The following ANKS1B variants were observed in gnomAD, a reference collection of about 807,000 sequenced individuals.
The protein encoded by ANKS1B is ankyrin repeat and sterile alpha motif domain containing 1B.
A neutral mutation model predicts 148.3 loss-of-function variants in ANKS1B; 36 were observed. The ratio of observed to expected loss-of-function variants is 0.24; its 90% CI spans 0.19 to 0.32. ANKS1B has a LOEUF of 0.32. ANKS1B is among the 10% of genes least tolerant of loss of function. The pLI is 1.00. For synonymous variants in ANKS1B, 542 were observed against 560.8 expected, an observed-to-expected ratio of 0.97 and a Z score of 0.47; for missense variants, 1,157 against 1,542.6, an observed-to-expected ratio of 0.75 and a Z score of 4.19.
intron 15 of ANKS1B, among the ~76,000 whole-genome samples, chr12:99,135,176 A>C (rs576146795): frequency 1.3e-5 from 2 of 152,270 alleles, no homozygotes; most frequent in South Asian, 4.1e-4. Flanking sequence ...TTATTGCCAA[A>C]ATTTTAAAAA....
At chr12:99,064,581 A>G (rs2043469331) in intron 16 of ANKS1B, among the ~76,000 whole-genome samples, 2 of 152,242 alleles carry the variant, frequency 1.3e-5, no homozygotes, top group African/African-American at 4.8e-5. Flanking sequence ...GTCAACCGCT[A>G]CAGCAACAAC....
chr12:99,657,659 A>ATT (rs66516058), intron 8 of ANKS1B, among the ~76,000 whole-genome samples: 4 of 146,798 alleles, frequency 2.7e-5, no homozygotes, highest in Admixed American at 1.4e-4. Context: ...ATATATATAT[A>ATT]TGATAAAGTT....
chr12:99,623,380 A>C (rs892390637), intron 9 of ANKS1B, among the ~76,000 whole-genome samples: 1 of 152,184 alleles, frequency 6.6e-6, no homozygotes, highest in Admixed American at 6.5e-5. Context: ...ACCCCTATTC[A>C]ACATAGTACT....
intron 12 of ANKS1B, among the ~76,000 whole-genome samples, chr12:99,318,583 A>T (rs1250356913): frequency 6.6e-6 from 1 of 151,902 alleles, no homozygotes; most frequent in African/African-American, 2.4e-5. Flanking sequence ...TAGTCTTGCT[A>T]GTGGTCTATT....
At chr12:99,167,442 A>G (rs1375961117) in intron 14 of ANKS1B, among the ~76,000 whole-genome samples, 8 of 152,158 alleles carry the variant, frequency 5.3e-5, no homozygotes, top group Non-Finnish European at 1.0e-4. Flanking sequence ...AGAATCAGAG[A>G]AGGTATATGG....
At chr12:99,387,603 A>AAAGAAGAAG (rs371936700) in intron 12 of ANKS1B, among the ~76,000 whole-genome samples, 1 of 151,040 alleles carries the variant, frequency 6.6e-6, no homozygotes, top group African/African-American at 2.5e-5. Context: ...CTCAAAAAAA[A>AAAGAAGAAG]AAGAAGAAGA....
At chr12:99,014,891 A>C (rs2099941488) in intron 17 of ANKS1B, among the ~76,000 whole-genome samples, 1 of 152,186 alleles carries the variant, frequency 6.6e-6, no homozygotes, top group African/African-American at 2.4e-5. Flanking sequence ...GGTTGTGGAG[A>C]AAAAGGAACA....
chr12:98,842,452 T>C (rs1181594606), intron 17 of ANKS1B, among the ~76,000 whole-genome samples: 3 of 152,202 alleles, frequency 2.0e-5, no homozygotes, highest in Non-Finnish European at 4.4e-5. Context: ...GCAATGAGCA[T>C]AAAGGAACTT....
intron 1 of ANKS1B, among the ~76,000 whole-genome samples, chr12:99,918,541 C>G (rs1290904553): frequency 6.6e-6 from 1 of 152,182 alleles, no homozygotes; most frequent in Non-Finnish European, 1.5e-5. Flanking sequence ...CAGGGTCACA[C>G]AGCTAGTAAG....
intron 1 of ANKS1B, among the ~76,000 whole-genome samples, chr12:99,915,715 G>T (rs1038581054): frequency 2.0e-5 from 3 of 152,174 alleles, no homozygotes; most frequent in African/African-American, 7.2e-5. Flanking sequence ...TAATGTATTT[G>T]TTGCTAGGGC....
At chr12:99,743,694 T>TA (rs753002892) in intron 8 of ANKS1B, among the ~76,000 whole-genome samples, 1 of 152,142 alleles carries the variant, frequency 6.6e-6, no homozygotes, top group South Asian at 2.1e-4. Flanking sequence ...TCACCAACCA[T>TA]AAAAAATTAT....
intron 12 of ANKS1B, among the ~76,000 whole-genome samples, chr12:99,317,477 G>C (rs548791974): frequency 5.3e-5 from 8 of 152,266 alleles, no homozygotes; most frequent in South Asian, 2.1e-4. Context: ...TCTGTGATTG[G>C]TGTATAGGAA....
At chr12:99,321,170 G>T (rs959528432) in intron 12 of ANKS1B, among the ~76,000 whole-genome samples, 3 of 152,222 alleles carry the variant, frequency 2.0e-5, no homozygotes, top group Non-Finnish European at 4.4e-5. Flanking sequence ...ACTTGAGGAG[G>T]CAGTCTGTCC....
intron 15 of ANKS1B, among the ~76,000 whole-genome samples, chr12:99,153,456 C>T (rs932824030): frequency 3.9e-5 from 6 of 152,058 alleles, no homozygotes; most frequent in Non-Finnish European, 7.4e-5. Flanking sequence ...AGAGCTGTGA[C>T]GTAGCTTAAC....
intron 9 of ANKS1B, among the ~76,000 whole-genome samples, chr12:99,633,218 T>A (rs1371602272): frequency 6.6e-6 from 1 of 152,006 alleles, no homozygotes; most frequent in East Asian, 1.9e-4. Context: ...GCAATAAACA[T>A]ACGTGTGCAT....
At chr12:99,209,299 G>T (rs1418144840) in intron 14 of ANKS1B, among the ~76,000 whole-genome samples, 1 of 152,130 alleles carries the variant, frequency 6.6e-6, no homozygotes, top group Non-Finnish European at 1.5e-5. Flanking sequence ...AACTTATTTT[G>T]CCAACAAATT....
intron 14 of ANKS1B, among the ~76,000 whole-genome samples, chr12:99,167,215 A>G (rs2077274109): frequency 6.6e-6 from 1 of 152,034 alleles, no homozygotes; most frequent in Non-Finnish European, 1.5e-5. Flanking sequence ...AGGCACCAGA[A>G]GTACAATTAT....
rs1260080180 is a variant in ANKS1B at position 99,244,433 on chromosome 12, A to G, written c.2347-19T>C. ...TGTCAATCTGTAAGAAACAAAAACC[A>G]TTTAAATGGATTGTTACATTCACTT... On this transcript the variant is annotated intron_variant, in intron 13 of 26. Coordinates refer to ENST00000683438, the MANE Select transcript of ANKS1B (RefSeq NM_001352186.2). 8.1e-6 allele frequency: 12 copies of G among 1,474,228 alleles called. No individual in the cohort carries two copies. The highest frequency in any genetic ancestry group is 3.5e-4 in the Middle Eastern group (2 of 5,732). The allele number at this position is 1,474,228 out of a possible 1,614,324, so 91.3% of individuals were successfully genotyped here.
rs1045865811 is a variant in ANKS1B, at chr12:98,813,455, G to A, written c.3067-5537C>T. ...TGGTCTTGAACTCCTGGGCTCAAGC[G>A]ATCTGCCTTCTTCGGCCTCCGGAAG... On this transcript the variant is annotated intron_variant, in intron 19 of 26. Coordinates refer to ENST00000683438, the MANE Select transcript of ANKS1B (RefSeq NM_001352186.2). Among the ~76,000 whole-genome samples the A allele has an allele frequency of 5.3e-5, 8 of 151,350 alleles. No individual in the cohort carries two copies. In the East Asian group the frequency reaches 1.2e-3, roughly 22 times the overall value.
Sources: gnomAD v4.1 joint callset for allele counts (sites outside exome capture counted in the v4.1 genomes callset) on GRCh38, gnomAD v4.1.1 for gene constraint, MANE v1.5 for transcripts, NCBI Gene and HGNC (gene_info 2026-07-23, HGNC 2026-07-21) for gene names.